The following PIK3CA variants were observed in gnomAD, a reference collection of about 807,000 sequenced individuals.
PIK3CA encodes the protein phosphatidylinositol 4,5-bisphosphate 3-kinase catalytic subunit alpha isoform.
A neutral mutation model predicts 138.2 loss-of-function variants in PIK3CA; 27 were observed. The ratio of observed to expected loss-of-function variants is 0.20; its 90% confidence interval spans 0.14 to 0.27. The LOEUF is 0.27. PIK3CA is among the 10% of genes least tolerant of loss of function. PIK3CA has a pLI of 1.00. For synonymous variants in PIK3CA, 358 were observed against 413.2 expected (o/e 0.87, Z 1.62); for missense variants, 544 against 1,277.4 (o/e 0.43, Z 8.75).
At chr3:179,177,557 C>T (rs1365531919) in intron 1 of PIK3CA, among the ~76,000 whole-genome samples, 1 of 152,080 alleles carries the variant, frequency 6.6e-6, no homozygotes, top group Non-Finnish European at 1.5e-5. Flanking sequence ...AGGTGATCCG[C>T]CCGCCTTGGC....
chr3:179,213,631 A>G (rs1156571032), intron 9 of PIK3CA, among the ~76,000 whole-genome samples: 1 of 152,234 alleles, frequency 6.6e-6, no homozygotes. Flanking sequence ...ATTTGATAGC[A>G]TTTTGCCCAC....
chr3:179,211,459 T>C (rs1724709244), intron 9 of PIK3CA, among the ~76,000 whole-genome samples: 1 of 152,106 alleles, frequency 6.6e-6, no homozygotes, highest in African/African-American at 2.4e-5. Context: ...TCACCTGAGG[T>C]CAGAGTTCAA....
rs374101154 is a variant in PIK3CA, at chr3:179,189,293, G to A, written c.-76-9457G>A. Among the ~76,000 whole-genome samples, 15 of 152,150 alleles carry A rather than the reference G, an allele frequency of 9.9e-5. No homozygotes were observed. The East Asian group carries it at 1.7e-3, about 18-fold the overall frequency. ...CGATTAAATTCATATTTACAGTGCT[G>A]CCAAACTTAAATACCTTAGGATTGT... On this transcript the variant is annotated intron_variant, in intron 1 of 20. Transcript: ENST00000263967.
chr3:179,204,854 A>G (rs1724516118), intron 6 of PIK3CA, among the ~76,000 whole-genome samples: 2 of 151,482 alleles, frequency 1.3e-5, no homozygotes, highest in South Asian at 4.2e-4. Context: ...CCCCATCTCT[A>G]CTAAAAATAA....
At chr3:179,228,452 TAAG>T (rs1424974506) in intron 17 of PIK3CA, among the ~76,000 whole-genome samples, 1 of 152,072 alleles carries the variant, frequency 6.6e-6, no homozygotes, top group Non-Finnish European at 1.5e-5. Context: ...TTTTGCAACT[TAAG>T]AAACTTATCT....
chr3:179,158,530 C>T (rs753423795), intron 1 of PIK3CA, among the ~76,000 whole-genome samples: 12 of 151,950 alleles, frequency 7.9e-5, no homozygotes, highest in Non-Finnish European at 1.5e-4. Flanking sequence ...AGAGTTGTGT[C>T]GTATTGTCAC....
rs201108344 is a variant in PIK3CA at position 179,210,538 on chromosome 3, A to T, written c.1512A>T (p.Ala504=). 2.7e-5 allele frequency: 44 copies of T among 1,613,970 alleles called. No individual in the cohort carries two copies. The highest frequency in any genetic ancestry group is 3.6e-5 in the Non-Finnish European group (42 of 1,179,958). Residue 504 remains alanine, a synonymous_variant, in exon 9 of 21, where the codon GCA becomes GCT. Coordinates refer to ENST00000263967, the MANE Select transcript of PIK3CA (RefSeq NM_006218.4). ...EHANWSVSRE[A]GFSYSHAGLS... is the part of the protein sequence containing the mutation. ...CCAATTGGTCTGTATCCCGAGAAGC[A>T]GGATTTAGCTATTCCCACGCAGGAC...
At chr3:179,193,589 C>G (rs1724190150) in intron 1 of PIK3CA, among the ~76,000 whole-genome samples, 1 of 152,240 alleles carries the variant, frequency 6.6e-6, no homozygotes, top group Non-Finnish European at 1.5e-5. Flanking sequence ...GTAATTGGTG[C>G]TTGTAATGAG....
rs886626359 is a variant in PIK3CA, at chr3:179,219,138, G to A, written c.1665-58G>A. 4 of 1,026,890 alleles carry A rather than the reference G, an allele frequency of 3.9e-6. No homozygotes were observed. The African/African-American group carries it at 4.7e-5, about 12-fold the overall frequency. 63.6% of individuals were successfully genotyped at this position (1,026,890 alleles called of 1,614,324 possible). ...AGATTCATATGGAGAAGTTAGACAT[G>A]TCAACCTTTTGAACAGCATGCAAGA... is the stretch of plus-strand genomic sequence containing the variant. On this transcript the variant is annotated intron_variant, in intron 10 of 20. Transcript: ENST00000263967. The surrounding 1 kb of genome is among the most constrained non-coding windows in gnomAD (Gnocchi z 4.2).
Position 179,217,436 on chromosome 3 carries a change from A to G in PIK3CA, c.1540-774A>G, listed in dbSNP as rs575443743. ...ACTTGTTGAACAAATATGTGCCGGT[A>G]ATATTTCTTCATGCTGCTGAATAAG... On this transcript the variant is annotated intron_variant, in intron 9 of 20. Coordinates refer to ENST00000263967, the MANE Select transcript of PIK3CA (RefSeq NM_006218.4). Among the ~76,000 whole-genome samples, 7 of 152,142 alleles carry G rather than the reference A, an allele frequency of 4.6e-5. 1 individual carries two copies. The highest frequency in any genetic ancestry group is 8.8e-5 in the Non-Finnish European group (6 of 68,002).
intron 1 of PIK3CA, among the ~76,000 whole-genome samples, chr3:179,162,213 A>C (rs574817961): frequency 6.6e-6 from 1 of 152,134 alleles, no homozygotes; most frequent in African/African-American, 2.4e-5. Context: ...GTATATATAT[A>C]TGTATCAAAG....
chr3:179,210,643 A>G (rs2108402015), intron 9 of PIK3CA, 78 bp downstream of exon 9: 1 of 1,408,750 alleles, frequency 7.1e-7, no homozygotes, highest in Non-Finnish European at 9.8e-7. Context: ...ATGGAAAAGG[A>G]TCCATATATT....
intron 1 of PIK3CA, among the ~76,000 whole-genome samples, chr3:179,176,233 G>A (rs1723694074): frequency 6.6e-6 from 1 of 152,136 alleles, no homozygotes; most frequent in African/African-American, 2.4e-5. Flanking sequence ...TATGCCTTCT[G>A]ATTTCTGCAT....
intron 1 of PIK3CA, among the ~76,000 whole-genome samples, chr3:179,192,130 A>G (rs1294917934): frequency 2.0e-5 from 3 of 152,192 alleles, no homozygotes; most frequent in Admixed American, 2.0e-4. Flanking sequence ...ATTCCAGAAT[A>G]TTGTAGTAGA....
At chr3:179,157,798 T>C (rs1323463960) in intron 1 of PIK3CA, among the ~76,000 whole-genome samples, 1 of 152,124 alleles carries the variant, frequency 6.6e-6, no homozygotes. Flanking sequence ...AAGAGCATGT[T>C]CTCTAGAGTC....
chr3:179,239,056 T>C lies in PIK3CA; in HGVS notation c.*4692T>C, dbSNP rs150973323. The stretch of plus-strand genomic sequence containing the variant: ...AGGTGTGAGCCATGAGGAAATTTTC[T>C]GACTTAATTTGTACACAACTACATA... On this transcript the variant is annotated 3_prime_UTR_variant, in exon 21 of 21. Transcript: ENST00000263967. 1.8e-4 allele frequency: 40 copies of C among 217,614 alleles called. No individual in the cohort carries two copies. Among genetic ancestry groups the C allele is most frequent in the African/African-American group, 8.3e-4 (37 of 44,530 alleles). The allele number at this position is 217,614 out of a possible 1,614,324, so 13.5% of individuals were successfully genotyped here.
At chr3:179,189,778 C>T (rs923798734) in intron 1 of PIK3CA, among the ~76,000 whole-genome samples, 2 of 152,104 alleles carry the variant, frequency 1.3e-5, no homozygotes, top group African/African-American at 4.8e-5. Context: ...AAATTTTTTG[C>T]ATACTAGTGA....
intron 1 of PIK3CA, among the ~76,000 whole-genome samples, chr3:179,164,506 A>T (rs1157485643): frequency 2.6e-5 from 4 of 152,224 alleles, no homozygotes; most frequent in Non-Finnish European, 5.9e-5. Context: ...GAATGTTTTC[A>T]CATCTCTATT....
chr3:179,225,087 C>T (rs1164166409), intron 16 of PIK3CA, among the ~76,000 whole-genome samples: 8 of 151,614 alleles, frequency 5.3e-5, no homozygotes, highest in Non-Finnish European at 8.8e-5. Flanking sequence ...ACCCCCCTCC[C>T]GTGGACCTGT....
Sources: gnomAD v4.1 joint callset for allele counts (sites outside exome capture counted in the v4.1 genomes callset) on GRCh38, gnomAD v4.1.1 for gene constraint, Gnocchi (gnomAD v3.1) non-coding constraint, MANE v1.5 for transcripts, NCBI Gene and HGNC (gene_info 2026-07-23, HGNC 2026-07-21) for gene names.